The following TMEM178B variants were observed in gnomAD, a reference collection of about 807,000 sequenced individuals.
The protein encoded by TMEM178B is transmembrane protein 178B.
In TMEM178B, 5 loss-of-function variants were observed where a neutral mutation model predicts 31.0. The ratio of observed to expected loss-of-function variants is 0.16; its 90% CI spans 0.08 to 0.34. The LOEUF (loss-of-function observed/expected upper bound fraction) is 0.34. TMEM178B is among the 10% of genes least tolerant of loss of function. The probability of loss-of-function intolerance (pLI) is 1.00; values close to 1 mark genes in which losing one functional copy is unlikely to be tolerated. For missense variants in TMEM178B, 275 were observed against 400.3 expected, an observed-to-expected ratio of 0.69 and a Z score of 2.67; for synonymous variants, 164 against 164.0, an observed-to-expected ratio of 1.00 and a Z score of 0.00.
intron 1 of TMEM178B, among the ~76,000 whole-genome samples, chr7:141,205,922 C>T (rs1002720916): frequency 2.0e-5 from 3 of 152,214 alleles, no homozygotes; most frequent in Admixed American, 2.0e-4. Context: ...ACCCTCCCTT[C>T]CTTGGTCTCT....
Position 141,075,049 on chromosome 7 carries a change from CA to C in TMEM178B, c.382+358del, listed in dbSNP as rs368260746. ...AGGAAGCCCTTTAGGAGTCATGTGT[CA>C]GGGGTAGACAGGTTCCTAATTTTTG... On this transcript the variant is annotated intron_variant, in intron 1 of 3. Coordinates refer to ENST00000565468, the MANE Select transcript of TMEM178B (RefSeq NM_001195278.2). 2.6e-3 allele frequency among the ~76,000 whole-genome samples: 390 copies of C among 152,282 alleles called. 3 individuals carry two copies. Among genetic ancestry groups the C allele is most frequent in the African/African-American group, 9.0e-3 (376 of 41,556 alleles).
At chr7:141,192,020 T>C (rs1796705326) in intron 1 of TMEM178B, among the ~76,000 whole-genome samples, 2 of 152,228 alleles carry the variant, frequency 1.3e-5, no homozygotes, top group South Asian at 4.1e-4. Context: ...AAGGTGTGCC[T>C]TCAATTTTAT....
At chr7:141,255,669 A>G (rs1425654831) in intron 2 of TMEM178B, among the ~76,000 whole-genome samples, 1 of 152,018 alleles carries the variant, frequency 6.6e-6, no homozygotes, top group Non-Finnish European at 1.5e-5. Flanking sequence ...CAGGGTGAGT[A>G]AAAAACCTAA....
intron 1 of TMEM178B, among the ~76,000 whole-genome samples, chr7:141,118,462 G>A (rs1204342307): frequency 6.6e-6 from 1 of 152,216 alleles, no homozygotes; most frequent in African/African-American, 2.4e-5. Flanking sequence ...CTAGTTTGCA[G>A]GATGAAATGA....
At chr7:141,094,876 C>T (rs2129172732) in intron 1 of TMEM178B, among the ~76,000 whole-genome samples, 1 of 152,254 alleles carries the variant, frequency 6.6e-6, no homozygotes, top group African/African-American at 2.4e-5. Context: ...ATTTCAGAGC[C>T]TCTGATTAAA....
At chr7:141,160,103 G>A (rs115530391) in intron 1 of TMEM178B, among the ~76,000 whole-genome samples, 100 of 150,516 alleles carry the variant, frequency 6.6e-4, no homozygotes, top group African/African-American at 2.3e-3. Flanking sequence ...GTGGTGTTTG[G>A]TTACGCGGAT....
At chr7:141,421,556 A>G (rs1801210240) in intron 2 of TMEM178B, among the ~76,000 whole-genome samples, 1 of 152,118 alleles carries the variant, frequency 6.6e-6, no homozygotes, top group South Asian at 2.1e-4. Context: ...CAAGATTCTC[A>G]CCCTAGTTCT....
intron 2 of TMEM178B, among the ~76,000 whole-genome samples, chr7:141,360,721 CCAAACA>C (rs1799904194): frequency 6.6e-6 from 1 of 152,142 alleles, no homozygotes; most frequent in Non-Finnish European, 1.5e-5. Context: ...ATACTTGCAG[CCAAACA>C]CATTCTTAAC....
chr7:141,115,168 G>A (rs1159854947), intron 1 of TMEM178B, among the ~76,000 whole-genome samples: 3 of 152,100 alleles, frequency 2.0e-5, no homozygotes, highest in Admixed American at 6.5e-5. Flanking sequence ...TCAACCTCCC[G>A]AGTAGCTGGG....
At chr7:141,248,951 AT>A (rs945486052) in intron 2 of TMEM178B, among the ~76,000 whole-genome samples, 1 of 152,170 alleles carries the variant, frequency 6.6e-6, no homozygotes, top group African/African-American at 2.4e-5. Flanking sequence ...TATGGACTAT[AT>A]TTTGTTGCGT....
rs373957603 is a variant in TMEM178B at position 141,422,171 on chromosome 7, G to A, written c.497-15437G>A. Reference sequence around the variant, plus strand: ...TATTACTTCTGGCTCCTCCAGGGCTGCGGTTGGTGAAAGGAGGACAGGTAA... The same window carrying A: ...TATTACTTCTGGCTCCTCCAGGGCTACGGTTGGTGAAAGGAGGACAGGTAA... On this transcript the variant is annotated intron_variant, in intron 2 of 3. Transcript: ENST00000565468. This position sits in a 1 kb window ranked among gnomAD's most constrained non-coding sequence, Gnocchi z 4.2. 1.3e-5 allele frequency among the ~76,000 whole-genome samples: 2 copies of A among 152,170 alleles called. No individual in the cohort carries two copies. The highest frequency in any genetic ancestry group is 4.8e-5 in the African/African-American group (2 of 41,444).
chr7:141,466,598 T>G (rs1343921355), intron 3 of TMEM178B, among the ~76,000 whole-genome samples: 1 of 152,194 alleles, frequency 6.6e-6, no homozygotes, highest in Non-Finnish European at 1.5e-5. Flanking sequence ...ATTTCTCCAT[T>G]TCTTTAAGTA....
chr7:141,371,525 A>G (rs1373093004), intron 2 of TMEM178B, among the ~76,000 whole-genome samples: 3 of 152,190 alleles, frequency 2.0e-5, no homozygotes, highest in African/African-American at 7.2e-5. Context: ...GCAACACAAA[A>G]CAGACTAAGA....
chr7:141,082,311 G>T (rs1459139742), intron 1 of TMEM178B, among the ~76,000 whole-genome samples: 2 of 152,180 alleles, frequency 1.3e-5, no homozygotes, highest in African/African-American at 2.4e-5. Context: ...GACCTCCACA[G>T]GCTCTTTCTT....
chr7:141,203,288 T>C (rs4725540), intron 1 of TMEM178B, among the ~76,000 whole-genome samples: 98,077 of 151,934 alleles, frequency 0.65, 32,111 homozygotes, highest in Middle Eastern at 0.7. Context: ...ATATATTAAG[T>C]GCAGGGGATT....
At chr7:141,311,869 G>A (rs1473344822) in intron 2 of TMEM178B, among the ~76,000 whole-genome samples, 2 of 152,170 alleles carry the variant, frequency 1.3e-5, no homozygotes, top group Non-Finnish European at 2.9e-5. Context: ...AGAGAAAATG[G>A]CACCTGAATG....
At chr7:141,134,927 G>A (rs1795652061) in intron 1 of TMEM178B, among the ~76,000 whole-genome samples, 1 of 152,228 alleles carries the variant, frequency 6.6e-6, no homozygotes, top group Admixed American at 6.5e-5. Flanking sequence ...GCCAGTGGGA[G>A]ATGACTGAAT....
At chr7:141,336,933 TCACCACCACCATCAC>T (rs1799408521) in intron 2 of TMEM178B, among the ~76,000 whole-genome samples, 2 of 35,234 alleles carry the variant, frequency 5.7e-5, no homozygotes, top group African/African-American at 2.4e-4. Flanking sequence ...ACCACCACCA[TCACCACCACCATCAC>T]CACCACCACC....
intron 2 of TMEM178B, among the ~76,000 whole-genome samples, chr7:141,338,739 T>C (rs1333641900): frequency 6.6e-6 from 1 of 152,148 alleles, no homozygotes; most frequent in Non-Finnish European, 1.5e-5. Context: ...GTGTGGTGGG[T>C]GGGGTATGCA....
Sources: gnomAD v4.1 joint callset for allele counts (sites outside exome capture counted in the v4.1 genomes callset) on GRCh38, gnomAD v4.1.1 for gene constraint, Gnocchi (gnomAD v3.1) non-coding constraint, MANE v1.5 for transcripts, NCBI Gene and HGNC (gene_info 2026-07-23, HGNC 2026-07-21) for gene names.